Variants in PBRM1 observed in about 807,000 individuals in gnomAD.
The protein encoded by PBRM1 is protein polybromo-1.
PBRM1 carries 27 observed loss-of-function variants against 194.5 expected under a neutral mutation model. That is an observed-to-expected ratio of 0.14 (90% CI 0.10 to 0.19). PBRM1 has a LOEUF of 0.19. PBRM1 is among the 10% of genes least tolerant of loss of function. The pLI, the probability that PBRM1 is intolerant of heterozygous loss-of-function variation, is 1.00. For missense variants in PBRM1, 1,466 were observed against 2,077.2 expected, an observed-to-expected ratio of 0.71 and a Z score of 5.72; for synonymous variants, 655 against 693.2, an observed-to-expected ratio of 0.94 and a Z score of 0.87.
At chr3:52,591,997 T>C (rs113785237) in intron 17 of PBRM1, among the ~76,000 whole-genome samples, 10,693 of 149,576 alleles carry the variant, frequency 0.071, 811 homozygotes, top group African/African-American at 0.21. Context: ...CGGCTAATTT[T>C]TGTATTTTTA....
chr3:52,669,257 C>T (rs1039797615), intron 2 of PBRM1, among the ~76,000 whole-genome samples: 2 of 151,836 alleles, frequency 1.3e-5, no homozygotes, highest in Non-Finnish European at 2.9e-5. Flanking sequence ...AACCATGGGA[C>T]TAAGAAATAC....
intron 11 of PBRM1, among the ~76,000 whole-genome samples, chr3:52,629,734 A>C (rs2095557589): frequency 6.6e-6 from 1 of 152,220 alleles, no homozygotes; most frequent in Non-Finnish European, 1.5e-5. Flanking sequence ...AAGTAGAGTC[A>C]CTATTTGCTG....
At chr3:52,673,066 C>A (rs2096987281) in intron 2 of PBRM1, among the ~76,000 whole-genome samples, 1 of 151,740 alleles carries the variant, frequency 6.6e-6, no homozygotes, top group African/African-American at 2.4e-5. Flanking sequence ...CAGCTCACTG[C>A]AACCTCCGCC....
intron 10 of PBRM1, among the ~76,000 whole-genome samples, chr3:52,637,389 C>G (rs543431287): frequency 4.6e-5 from 7 of 152,030 alleles, no homozygotes; most frequent in Non-Finnish European, 1.0e-4. Flanking sequence ...CCCAACAATT[C>G]GAGAGGCAGA....
chr3:52,618,739 C>T lies in PBRM1; in HGVS notation c.1542-1201G>A, dbSNP rs571874800. ...CCTTCCAAGTAGCTGGGATTACAGG[C>T]GCCTGCCACGACGCCCTGCTTTTTT... On this transcript the variant is annotated intron_variant, in intron 13 of 29. Coordinates refer to ENST00000296302, the Ensembl canonical transcript of PBRM1. 1.1e-3 allele frequency among the ~76,000 whole-genome samples: 168 copies of T among 151,164 alleles called. 1 individual carries two copies. The highest frequency in any genetic ancestry group is 1.7e-3 in the Non-Finnish European group (113 of 67,754).
At chr3:52,650,245 C>T (rs892964597) in intron 6 of PBRM1, among the ~76,000 whole-genome samples, 2 of 151,586 alleles carry the variant, frequency 1.3e-5, no homozygotes, top group African/African-American at 4.9e-5. Flanking sequence ...CGCCTATAAT[C>T]CCAGCTACTC....
In PBRM1 at chr3:52,679,570, T is replaced by C; in HGVS notation, c.138+4A>G. Reference sequence around the variant, plus strand: ...GCAGAAACCATGTAATCCAAGTTACTCACAGGATCTACAGTTGGAAGATTG... The same window carrying C: ...GCAGAAACCATGTAATCCAAGTTACCCACAGGATCTACAGTTGGAAGATTG... On this transcript the variant is annotated splice_donor_region_variant and intron_variant, in intron 1 of 29. Coordinates refer to ENST00000296302, the Ensembl canonical transcript of PBRM1. 3 of 1,611,064 alleles carry C rather than the reference T, an allele frequency of 1.9e-6. No homozygotes were observed. Among genetic ancestry groups the C allele is most frequent in the Non-Finnish European group, 2.5e-6 (3 of 1,178,558 alleles).
At chr3:52,632,654 T>G (rs1297705586) in intron 11 of PBRM1, among the ~76,000 whole-genome samples, 1 of 151,628 alleles carries the variant, frequency 6.6e-6, no homozygotes, top group African/African-American at 2.4e-5. Flanking sequence ...ATTTGAAAAA[T>G]TTTGGTATAA....
chr3:52,673,929 T>C (rs2154023913), intron 2 of PBRM1, among the ~76,000 whole-genome samples: 1 of 151,386 alleles, frequency 6.6e-6, no homozygotes, highest in African/African-American at 2.4e-5. Context: ...CACACGCCTG[T>C]AATCCCAGCT....
At chr3:52,642,171 C>A in intron 9 of PBRM1, 126 bp from the exon 11 acceptor site, 1 of 656,116 alleles carries the variant, frequency 1.5e-6, no homozygotes, top group Non-Finnish European at 2.7e-6. Context: ...CAATTGCCTC[C>A]TTAGTTTATC....
chr3:52,572,396 G>A (rs911711239), intron 22 of PBRM1, among the ~76,000 whole-genome samples: 2 of 151,298 alleles, frequency 1.3e-5, no homozygotes, highest in Non-Finnish European at 2.9e-5. Flanking sequence ...TTTTTGAGAC[G>A]GAGTCTCACC....
chr3:52,584,770 T>C (rs1237544661), intron 20 of PBRM1, among the ~76,000 whole-genome samples: 1 of 152,154 alleles, frequency 6.6e-6, no homozygotes, highest in Admixed American at 6.6e-5. Flanking sequence ...GCTTCTTTAT[T>C]GTCAATATTT....
At chr3:52,653,406 A>G (rs2096546548) in intron 5 of PBRM1, among the ~76,000 whole-genome samples, 1 of 152,038 alleles carries the variant, frequency 6.6e-6, no homozygotes, top group South Asian at 2.1e-4. Flanking sequence ...CCTGGCCAAC[A>G]TGGTGAAACC....
downstream of PBRM1, chr3:52,547,690 T>C (rs1464224336): frequency 8.5e-6 from 2 of 235,750 alleles, no homozygotes; most frequent in Non-Finnish European, 1.7e-5. Flanking sequence ...TTTATATATA[T>C]ATATAAAAAA....
intron 25 of PBRM1, among the ~76,000 whole-genome samples, chr3:52,558,837 TGTTAC>T: frequency 6.6e-6 from 1 of 152,240 alleles, no homozygotes; most frequent in East Asian, 1.9e-4. Flanking sequence ...TTGGTACAAT[TGTTAC>T]TTACTATATA....
chr3:52,634,760 A>G (rs34173244), exon 11 of PBRM1: 48,039 of 1,613,916 alleles, frequency 0.03, 2,196 homozygotes, highest in African/African-American at 0.21. Context: ...GATTTGAAAC[A>G]TCCATAAAGG....
chr3:52,579,273 A>ACTTTT, intron 20 of PBRM1, 74 bp from the exon 23 acceptor site: 1 of 1,376,312 alleles, frequency 7.3e-7, no homozygotes, highest in East Asian at 2.3e-5. Context: ...ACGAAAGCAG[A>ACTTTT]CTTTTCTTTC....
intron 7 of PBRM1, among the ~76,000 whole-genome samples, chr3:52,646,555 G>A (rs1407340839): frequency 6.6e-6 from 1 of 152,172 alleles, no homozygotes; most frequent in East Asian, 1.9e-4. Context: ...AGAAATTTAG[G>A]TGAGTGGAAT....
At chr3:52,634,435 CAA>C (rs370025797) in intron 11 of PBRM1, among the ~76,000 whole-genome samples, 165 bp downstream of exon 12, 4 of 46,328 alleles carry the variant, frequency 8.6e-5, no homozygotes, top group Non-Finnish European at 1.4e-4. Flanking sequence ...GACTCCGTCT[CAA>C]AAAAAAAAAA....
Sources: gnomAD v4.1 joint callset for allele counts (sites outside exome capture counted in the v4.1 genomes callset) on GRCh38, gnomAD v4.1.1 for gene constraint, MANE v1.5 for transcripts, NCBI Gene and HGNC (gene_info 2026-07-23, HGNC 2026-07-21) for gene names.